The following UNC45A variants were observed in gnomAD, a reference collection of about 807,000 sequenced individuals.
UNC45A encodes unc-45 myosin chaperone A.
Under a neutral mutation model 103.2 loss-of-function variants are expected in UNC45A, and 78 were observed. The observed-to-expected ratio is 0.76, with a 90% confidence interval of 0.63 to 0.91. The LOEUF (loss-of-function observed/expected upper bound fraction) is 0.91. Ranked by LOEUF, UNC45A falls within the 40% of genes least tolerant of loss-of-function variation. UNC45A has a pLI of 0.00. For missense variants in UNC45A, 1,193 were observed against 1,224.8 expected (o/e 0.97, Z 0.39); for synonymous variants, 495 against 504.6 (o/e 0.98, Z 0.25).
At chr15:90,932,572 G>A (rs1596202259), upstream of UNC45A, 2 of 1,214,970 alleles carry the variant, frequency 1.6e-6, no homozygotes, top group Admixed American at 4.1e-5. Flanking sequence ...TGCGGCCGCA[G>A]GGGCAGGGAC....
At chr15:90,935,127 C>T (rs964402931), upstream of UNC45A, 10 of 614,192 alleles carry the variant, frequency 1.6e-5, no homozygotes, top group Admixed American at 2.9e-5. Flanking sequence ...CTTAGGTGCG[C>T]CCGGAGCTTG....
intron 9 of UNC45A, 49 bp downstream of exon 9, chr15:90,945,112 G>C (rs370697437): frequency 6.2e-7 from 1 of 1,600,698 alleles, no homozygotes; most frequent in African/African-American, 1.3e-5. Flanking sequence ...TAGCGAAAAA[G>C]TTCTGACTCC....
upstream of UNC45A, chr15:90,932,732 T>G (rs2151349745): frequency 2.5e-6 from 1 of 398,074 alleles, no homozygotes; most frequent in South Asian, 1.3e-4. Context: ...GCCTTCAGCA[T>G]CGCAGCCCCC....
Position 90,940,163 on chromosome 15 carries a change from CTTCAA to C in UNC45A, c.520-142_520-138del, listed in dbSNP as rs977855846. ...CCCTCTATTTACAGAGGAAGCTAAACTTCAAAGAGGTTATTTTTTGGCCGTGGTCA... is the reference window on the plus strand; with the variant it reads ...CCCTCTATTTACAGAGGAAGCTAAACAGAGGTTATTTTTTGGCCGTGGTCA... On this transcript the variant is annotated intron_variant, in intron 5 of 19. Transcript: ENST00000418476. 7 of 891,952 alleles carry C rather than the reference CTTCAA, an allele frequency of 7.8e-6. No homozygotes were observed. In the African/African-American group the frequency reaches 1.0e-4, roughly 13 times the overall value. The allele number at this position is 891,952 out of a possible 1,614,324, so 55.3% of individuals were successfully genotyped here. A position where few individuals can be genotyped will look rare whatever the true frequency, so the allele number is the denominator to read the frequency against.
In UNC45A at chr15:90,950,634, G is replaced by T. The variant is rs1362408900; in HGVS notation, c.2303+19G>T. On this transcript the variant is annotated intron_variant, in intron 17 of 19. Transcript: ENST00000418476. ...GGCTCCGGTAAGGTCCCTTGGGATT[G>T]CGGGGCCTGGACCAGGCATCGGGAT... is the stretch of plus-strand genomic sequence containing the variant. 1 of 1,611,342 alleles carries T rather than the reference G, an allele frequency of 6.2e-7. No homozygotes were observed. The highest frequency in any genetic ancestry group is 8.5e-7 in the Non-Finnish European group (1 of 1,177,922).
intron 8 of UNC45A, 66 bp from the exon 9 acceptor site, chr15:90,944,826 G>A (rs565241262): frequency 1.9e-6 from 3 of 1,543,442 alleles, no homozygotes; most frequent in Admixed American, 2.0e-5. Flanking sequence ...CTCCTAGGAA[G>A]CCTGTTTCTT....
intron 8 of UNC45A, 39 bp from the exon 9 acceptor site, chr15:90,944,853 G>A (rs201187178): frequency 6.3e-7 from 1 of 1,592,256 alleles, no homozygotes; most frequent in Non-Finnish European, 8.6e-7. Flanking sequence ...GTAGGGGTTG[G>A]AACTAGTGTT....
chr15:90,935,197 G>C, upstream of UNC45A: 1 of 964,468 alleles, frequency 1.0e-6, no homozygotes, highest in Non-Finnish European at 1.6e-6. Context: ...TCCCTCCTTA[G>C]CCCTGCCCCT....
chr15:90,945,243 G>A (rs1228272080), intron 9 of UNC45A, among the ~76,000 whole-genome samples, 180 bp downstream of exon 9: 3 of 152,216 alleles, frequency 2.0e-5, no homozygotes, highest in Non-Finnish European at 2.9e-5. Context: ...AGTGGCCTCC[G>A]CAGGGAGGTT....
In UNC45A at chr15:90,943,160, AG is replaced by A. The variant is rs1722180650; in HGVS notation, c.1027+79del. The stretch of plus-strand genomic sequence containing the variant: ...CTTAGGAGTAATAAGAAAAGTTGTG[AG>A]TGGGGCCAGGCATGGTGGATGACAC... On this transcript the variant is annotated intron_variant, in intron 8 of 19. Coordinates refer to ENST00000418476, the MANE Select transcript of UNC45A (RefSeq NM_018671.5). 7 of 1,496,196 alleles carry A rather than the reference AG, an allele frequency of 4.7e-6. No homozygotes were observed. The South Asian group carries it at 9.5e-5, about 20-fold the overall frequency. The allele number at this position is 1,496,196 out of a possible 1,614,324, so 92.7% of individuals were successfully genotyped here.
rs1203543507 is a variant in UNC45A, at chr15:90,936,387, G to GT, written c.354dup (p.Val119CysfsTer51). 1 of 1,614,136 alleles carries GT rather than the reference G, an allele frequency of 6.2e-7. No homozygotes were observed. The highest frequency in any genetic ancestry group is 8.5e-7 in the Non-Finnish European group (1 of 1,180,054). ...CAGGCTGTCCTTGACCTGCAGAGAT[G>GT]TGTGAGCTTGGAGCCCAAGAACAAA... On this transcript the variant is annotated frameshift_variant, in exon 4 of 20. Coordinates refer to ENST00000418476, the MANE Select transcript of UNC45A (RefSeq NM_018671.5). LOFTEE classifies it high-confidence loss of function.
At chr15:90,932,450 G>A (rs907311994), upstream of UNC45A, 2 of 1,357,358 alleles carry the variant, frequency 1.5e-6, no homozygotes, top group Non-Finnish European at 1.9e-6. Context: ...TTGATGTAGG[G>A]GGTCCCCTCG....
rs540482815 is a variant in UNC45A at position 90,953,759 on chromosome 15, T to C, written c.*43T>C. 2.6e-5 allele frequency: 41 copies of C among 1,594,994 alleles called. No homozygotes were observed. The East Asian group carries it at 8.6e-4, about 33-fold the overall frequency. On this transcript the variant is annotated 3_prime_UTR_variant, in exon 20 of 20. Transcript: ENST00000418476. ...CCAAGGCTCATGCACACGCTACCTA[T>C]TGTGGCACGGAGAGTAAGGACGGAA...
chr15:90,932,551 G>C, upstream of UNC45A: 2 of 1,250,334 alleles, frequency 1.6e-6, no homozygotes, highest in Non-Finnish European at 1.0e-6. Flanking sequence ...CGCGCGGATG[G>C]GGCCGACGAC....
At chr15:90,933,991 G>T, upstream of UNC45A, 1 of 399,056 alleles carries the variant, frequency 2.5e-6, no homozygotes, top group Non-Finnish European at 4.4e-6. Flanking sequence ...GGCCTAGAAA[G>T]AGAGATGTTG....
At chr15:90,940,260 A>G (rs2036223393) in intron 5 of UNC45A, 46 bp from the exon 6 acceptor site, 3 of 1,577,480 alleles carry the variant, frequency 1.9e-6, no homozygotes, top group South Asian at 1.2e-5. Context: ...GCTGCATCCT[A>G]TGCCGTGTGC....
In UNC45A at chr15:90,950,615, G is replaced by C. The variant is rs754236017; in HGVS notation, c.2303G>C (p.Arg768Pro). The C allele has an allele frequency of 6.2e-7, 1 of 1,613,978 alleles. No homozygotes were observed. Among genetic ancestry groups the C allele is most frequent in the South Asian group, 1.1e-5 (1 of 91,052 alleles). The change falls in exon 17 of 20, where the codon CGG becomes CCG. Residue 768 changes from arginine to proline, a missense_variant and splice_region_variant. Transcript: ENST00000418476. The stretch of plus-strand genomic sequence containing the variant: ...CTGGCTGGGATCAGCGAGAGGCTCC[G>C]GTAAGGTCCCTTGGGATTGCGGGGC... ...TNLAGISERL[R>P]QKILKEKAVP...
At chr15:90,935,417 C>G (rs1249700842) in intron 1 of UNC45A, 42 bp downstream of exon 1, 5 of 1,582,738 alleles carry the variant, frequency 3.2e-6, no homozygotes, top group Non-Finnish European at 4.3e-6. Context: ...TCGCACCCGC[C>G]CTGACCATCC....
intron 6 of UNC45A, among the ~76,000 whole-genome samples, chr15:90,941,883 T>C (rs994733340): frequency 1.4e-5 from 2 of 143,686 alleles, no homozygotes; most frequent in African/African-American, 2.6e-5. Flanking sequence ...GGCGTGAACC[T>C]GGGAGGTGGA....
Sources: gnomAD v4.1 joint callset for allele counts (sites outside exome capture counted in the v4.1 genomes callset) on GRCh38, gnomAD v4.1.1 for gene constraint, MANE v1.5 for transcripts, NCBI Gene and HGNC (gene_info 2026-07-23, HGNC 2026-07-21) for gene names.